Variants in FSTL5 observed in about 807,000 individuals in gnomAD.
FSTL5 encodes the protein follistatin-related protein 5.
In FSTL5, 62 loss-of-function variants were observed where a neutral mutation model predicts 89.1. The ratio of observed to expected loss-of-function variants is 0.70; its 90% CI spans 0.57 to 0.86. FSTL5 has a LOEUF of 0.86. FSTL5 is among the 40% of genes least tolerant of loss of function. The probability of loss-of-function intolerance (pLI) is 0.00; values close to 1 mark genes in which losing one functional copy is unlikely to be tolerated. For synonymous variants in FSTL5, 383 were observed against 346.2 expected (o/e 1.11, Z -1.18); for missense variants, 1,057 against 1,001.6 (o/e 1.06, Z -0.75).
chr4:161,730,398 T>C (rs1480623018), intron 6 of FSTL5, among the ~76,000 whole-genome samples: 1 of 152,072 alleles, frequency 6.6e-6, no homozygotes, highest in Non-Finnish European at 1.5e-5. Flanking sequence ...TTGAAAAATA[T>C]GTTATATAAG....
intron 2 of FSTL5, among the ~76,000 whole-genome samples, chr4:162,098,514 A>T (rs1357248555): frequency 6.6e-6 from 1 of 152,050 alleles, no homozygotes; most frequent in East Asian, 1.9e-4. Flanking sequence ...AATGCAAATG[A>T]TTCAGTGAAA....
chr4:161,440,704 TCTTG>T (rs760431700), intron 15 of FSTL5, among the ~76,000 whole-genome samples: 30 of 152,138 alleles, frequency 2.0e-4, no homozygotes, highest in Non-Finnish European at 1.5e-5. Context: ...TTTTAGATAT[TCTTG>T]TTTTTACTAC....
intron 1 of FSTL5, among the ~76,000 whole-genome samples, 169 bp downstream of exon 1, chr4:162,163,437 GTAATAATAA>G (rs34283366): frequency 8.7e-4 from 122 of 140,680 alleles, no homozygotes; most frequent in African/African-American, 2.7e-3. Flanking sequence ...AGATTGTCTT[GTAATAATAA>G]TAATAATAAT....
At chr4:162,124,473 G>A (rs1731989685) in intron 1 of FSTL5, among the ~76,000 whole-genome samples, 1 of 152,150 alleles carries the variant, frequency 6.6e-6, no homozygotes, top group African/African-American at 2.4e-5. Flanking sequence ...GTTGGGCCCA[G>A]ATTGATAGTG....
At chr4:161,758,307 CG>C (rs2126788496) in intron 6 of FSTL5, among the ~76,000 whole-genome samples, 1 of 151,992 alleles carries the variant, frequency 6.6e-6, no homozygotes, top group South Asian at 2.1e-4. Context: ...TACACAAGTA[CG>C]TATTCTACTT....
intron 8 of FSTL5, among the ~76,000 whole-genome samples, chr4:161,546,779 C>A (rs1055955070): frequency 1.3e-5 from 2 of 151,884 alleles, no homozygotes; most frequent in African/African-American, 2.4e-5. Flanking sequence ...AAAAATAACA[C>A]CAATCTTATA....
chr4:161,597,636 AT>A lies in FSTL5; in HGVS notation c.895-10062del, dbSNP rs548399403. On this transcript the variant is annotated intron_variant, in intron 7 of 15. Coordinates refer to ENST00000306100, the MANE Select transcript of FSTL5 (RefSeq NM_020116.5). ...TAGAACTTAAAGTATAATAAAAAAA[AT>A]ATGAAACAAAAAATAAATAAATACA... Among the ~76,000 whole-genome samples, 354 of 146,344 alleles carry A rather than the reference AT, an allele frequency of 2.4e-3. 1 individual carries two copies. The highest frequency in any genetic ancestry group is 7.6e-3 in the South Asian group (35 of 4,634).
chr4:162,074,036 AG>A lies in FSTL5; in HGVS notation c.126+37234del, dbSNP rs1323329424. 4.0e-5 allele frequency among the ~76,000 whole-genome samples: 6 copies of A among 151,848 alleles called. No individual in the cohort carries two copies. In the Admixed American group the frequency reaches 4.0e-4, roughly 10 times the overall value. On this transcript the variant is annotated intron_variant, in intron 2 of 15. Transcript: ENST00000306100. ...TAAAAACTCTTATTCTACTATAAAA[AG>A]AAATTAAATTAGTTCAGCACAATTA...
chr4:162,118,175 T>C (rs987201647), intron 1 of FSTL5, among the ~76,000 whole-genome samples: 1 of 152,222 alleles, frequency 6.6e-6, no homozygotes, highest in African/African-American at 2.4e-5. Context: ...TTTTCATCTA[T>C]TGAGACACTT....
chr4:161,488,908 A>T (rs949783664), intron 12 of FSTL5, among the ~76,000 whole-genome samples: 1 of 152,116 alleles, frequency 6.6e-6, no homozygotes, highest in Non-Finnish European at 1.5e-5. Flanking sequence ...GGAGAATTTT[A>T]TTCTCTCTAT....
intron 2 of FSTL5, among the ~76,000 whole-genome samples, chr4:162,055,363 C>A (rs1738505023): frequency 6.6e-6 from 1 of 150,976 alleles, no homozygotes; most frequent in African/African-American, 2.4e-5. Flanking sequence ...AATAAAATAC[C>A]ATTATAATAG....
chr4:161,443,964 T>C (rs1441215671), intron 15 of FSTL5, among the ~76,000 whole-genome samples: 1 of 151,832 alleles, frequency 6.6e-6, no homozygotes, highest in Non-Finnish European at 1.5e-5. Flanking sequence ...GAAAAAAATC[T>C]TCTATTTTTA....
intron 15 of FSTL5, among the ~76,000 whole-genome samples, chr4:161,404,836 G>C (rs1378025910): frequency 6.6e-6 from 1 of 151,598 alleles, no homozygotes; most frequent in African/African-American, 2.4e-5. Flanking sequence ...AAAAAACTAG[G>C]AAAGTCGGAC....
chr4:161,415,610 C>A (rs1225074691), intron 15 of FSTL5, among the ~76,000 whole-genome samples: 2 of 150,832 alleles, frequency 1.3e-5, no homozygotes, highest in Non-Finnish European at 2.9e-5. Flanking sequence ...AATTTCTCAT[C>A]TTTTACCTAC....
At chr4:161,815,995 A>T (rs1730313901) in intron 4 of FSTL5, among the ~76,000 whole-genome samples, 1 of 152,242 alleles carries the variant, frequency 6.6e-6, no homozygotes, top group Admixed American at 6.5e-5. Context: ...CTGAAGCAGC[A>T]GCTTGTATGG....
chr4:161,562,864 C>T (rs1732655070), intron 8 of FSTL5, among the ~76,000 whole-genome samples: 1 of 151,936 alleles, frequency 6.6e-6, no homozygotes, highest in African/African-American at 2.4e-5. Flanking sequence ...ATTTTAGACT[C>T]CTGAAAGTAC....
At chr4:161,850,746 C>T (rs996980705) in intron 4 of FSTL5, among the ~76,000 whole-genome samples, 1 of 151,884 alleles carries the variant, frequency 6.6e-6, no homozygotes, top group Admixed American at 6.6e-5. Context: ...CGTTTGGAAC[C>T]AACAATTACA....
At chr4:161,648,438 G>A (rs1383528948) in intron 7 of FSTL5, among the ~76,000 whole-genome samples, 3 of 152,062 alleles carry the variant, frequency 2.0e-5, no homozygotes, top group African/African-American at 4.8e-5. Flanking sequence ...GTGGACAAGG[G>A]AACTTTTCCC....
intron 1 of FSTL5, among the ~76,000 whole-genome samples, chr4:162,129,218 C>T (rs1014758648): frequency 8.5e-5 from 13 of 152,140 alleles, no homozygotes; most frequent in African/African-American, 2.9e-4. Flanking sequence ...CAGGTGTGAA[C>T]GACGGCGCCT....
Sources: allele counts gnomAD v4.1 joint callset (sites outside exome capture counted in the v4.1 genomes callset), GRCh38; gene constraint gnomAD v4.1.1; transcripts MANE v1.5; gene names NCBI Gene and HGNC (gene_info 2026-07-23, HGNC 2026-07-21).